Variants in PALM2AKAP2 observed in about 807,000 individuals in gnomAD.
The protein encoded by PALM2AKAP2 is PALM2-AKAP2 fusion protein.
In PALM2AKAP2, 37 loss-of-function variants were observed where a neutral mutation model predicts 71.5. The observed-to-expected ratio is 0.52, with a 90% CI of 0.40 to 0.68. The LOEUF (loss-of-function observed/expected upper bound fraction) is 0.68, where lower values mean the gene tolerates loss of function less well. Ranked by LOEUF, PALM2AKAP2 falls within the 30% of genes least tolerant of loss-of-function variation. The pLI is 0.00. For synonymous variants in PALM2AKAP2, 468 were observed against 478.8 expected, an observed-to-expected ratio of 0.98 and a Z score of 0.29; for missense variants, 1,224 against 1,191.8, an observed-to-expected ratio of 1.03 and a Z score of -0.40.
At chr9:109,704,993 T>A (rs1828121039) in intron 1 of PALM2AKAP2, among the ~76,000 whole-genome samples, 1 of 152,166 alleles carries the variant, frequency 6.6e-6, no homozygotes, top group South Asian at 2.1e-4. Context: ...TGCAGGACCT[T>A]GGTTGCATTT....
chr9:110,136,441 T>C, exon 2 of PALM2AKAP2: 1 of 1,614,174 alleles, frequency 6.2e-7, no homozygotes, highest in Non-Finnish European at 8.5e-7. Flanking sequence ...GTGATTCTGC[T>C]GTGGATGGAA....
intron 3 of PALM2AKAP2, among the ~76,000 whole-genome samples, chr9:109,914,973 G>T (rs935636361): frequency 2.6e-5 from 4 of 152,198 alleles, no homozygotes; most frequent in South Asian, 4.1e-4. Context: ...TTTCCCCTTG[G>T]TTTTTCTACT....
intron 1 of PALM2AKAP2, among the ~76,000 whole-genome samples, chr9:109,723,405 C>T (rs1472990570): frequency 1.3e-5 from 2 of 152,180 alleles, no homozygotes; most frequent in African/African-American, 4.8e-5. Flanking sequence ...ATTTAATGAA[C>T]ACCACCATGC....
intron 1 of PALM2AKAP2, among the ~76,000 whole-genome samples, chr9:109,819,179 T>C (rs1405776596): frequency 6.6e-6 from 1 of 152,254 alleles, no homozygotes; most frequent in Admixed American, 6.5e-5. Context: ...ATATAGGTGA[T>C]GGCAAATTGA....
At chr9:109,764,595 A>C (rs1458336274) in intron 1 of PALM2AKAP2, among the ~76,000 whole-genome samples, 1 of 152,170 alleles carries the variant, frequency 6.6e-6, no homozygotes, top group Non-Finnish European at 1.5e-5. Context: ...AACTGTATCA[A>C]CTGATTCCCA....
At chr9:109,752,952 A>G (rs545206160) in intron 1 of PALM2AKAP2, among the ~76,000 whole-genome samples, 1 of 152,262 alleles carries the variant, frequency 6.6e-6, no homozygotes, top group East Asian at 1.9e-4. Context: ...GATGAGGAGT[A>G]CTAGCTGGTC....
At chr9:110,117,870 T>G (rs1323582817) in intron 1 of PALM2AKAP2, among the ~76,000 whole-genome samples, 5 of 102,064 alleles carry the variant, frequency 4.9e-5, no homozygotes. Flanking sequence ...GCTATATATA[T>G]ATAGAGAGAG....
intron 1 of PALM2AKAP2, among the ~76,000 whole-genome samples, chr9:109,767,756 T>C (rs1245840458): frequency 1.3e-5 from 2 of 152,184 alleles, no homozygotes; most frequent in East Asian, 1.9e-4. Context: ...CCCCTTAGTG[T>C]TGGCTTGCTT....
At chr9:110,001,507 G>A (rs990313816) in intron 6 of PALM2AKAP2, among the ~76,000 whole-genome samples, 1 of 152,046 alleles carries the variant, frequency 6.6e-6, no homozygotes, top group Non-Finnish European at 1.5e-5. Flanking sequence ...GCTCTTTTTT[G>A]GTTCCATATG....
At chr9:109,740,838 G>A (rs1828705927) in intron 1 of PALM2AKAP2, among the ~76,000 whole-genome samples, 1 of 152,164 alleles carries the variant, frequency 6.6e-6, no homozygotes, top group Non-Finnish European at 1.5e-5. Flanking sequence ...ATTTTTGGTA[G>A]AGACGGGGTT....
intron 7 of PALM2AKAP2, among the ~76,000 whole-genome samples, chr9:110,021,280 T>C (rs1259361753): frequency 6.6e-6 from 1 of 152,168 alleles, no homozygotes; most frequent in East Asian, 1.9e-4. Flanking sequence ...AAGAAACACG[T>C]GGATCCACCA....
At chr9:109,748,369 C>T (rs961873947) in intron 1 of PALM2AKAP2, among the ~76,000 whole-genome samples, 1 of 152,050 alleles carries the variant, frequency 6.6e-6, no homozygotes, top group African/African-American at 2.4e-5. Flanking sequence ...CAGGGAATGA[C>T]GCACTACAGG....
At chr9:109,883,337 C>T (rs1038982725) in intron 3 of PALM2AKAP2, among the ~76,000 whole-genome samples, 1 of 152,298 alleles carries the variant, frequency 6.6e-6, no homozygotes, top group African/African-American at 2.4e-5. Context: ...CAATAGCCTA[C>T]AGGGGTGGAT....
intron 2 of PALM2AKAP2, among the ~76,000 whole-genome samples, chr9:110,140,348 T>C (rs565690067): frequency 4.3e-4 from 65 of 152,346 alleles, no homozygotes; most frequent in African/African-American, 1.4e-3. Context: ...CGCAAGATAT[T>C]CCAGTTTCAT....
intron 1 of PALM2AKAP2, among the ~76,000 whole-genome samples, chr9:109,677,667 CAAAAA>C (rs33952632): frequency 1.0e-5 from 1 of 98,668 alleles, no homozygotes; most frequent in African/African-American, 3.7e-5. Flanking sequence ...GACTCTGTCT[CAAAAA>C]AAAAAAAAAA....
exon 4 of PALM2AKAP2, chr9:110,170,440 G>A (rs1201594916): frequency 2.6e-5 from 4 of 152,394 alleles, no homozygotes; most frequent in Admixed American, 6.6e-5. Context: ...CTTTGGGGGG[G>A]GACATTTATT....
chr9:110,090,847 A>T (rs1278304346), intron 1 of PALM2AKAP2, among the ~76,000 whole-genome samples: 1 of 152,128 alleles, frequency 6.6e-6, no homozygotes, highest in Non-Finnish European at 1.5e-5. Flanking sequence ...TGCTGTGATG[A>T]TTTCTCAGCC....
intron 1 of PALM2AKAP2, among the ~76,000 whole-genome samples, chr9:110,118,327 A>T (rs573407042): frequency 6.6e-5 from 10 of 152,022 alleles, no homozygotes; most frequent in Admixed American, 6.6e-4. Context: ...GCTCACTGCA[A>T]CCTCTACCTC....
chr9:109,965,450 A>G (rs992108102), intron 6 of PALM2AKAP2, among the ~76,000 whole-genome samples: 2 of 152,278 alleles, frequency 1.3e-5, no homozygotes, highest in Non-Finnish European at 2.9e-5. Flanking sequence ...TGGATGGACC[A>G]TGAAACATAG....
Sources: allele counts gnomAD v4.1 joint callset (sites outside exome capture counted in the v4.1 genomes callset), GRCh38; gene constraint gnomAD v4.1.1; transcripts MANE v1.5; gene names NCBI Gene and HGNC (gene_info 2026-07-23, HGNC 2026-07-21).